The following CACNG6 variants were observed in gnomAD, a reference collection of about 807,000 sequenced individuals.
The protein encoded by CACNG6 is voltage-dependent calcium channel gamma-6 subunit.
A neutral mutation model predicts 23.9 loss-of-function variants in CACNG6; 21 were observed. That is an observed-to-expected ratio of 0.88 (90% CI 0.62 to 1.26). The LOEUF (loss-of-function observed/expected upper bound fraction) is 1.26, where lower values mean the gene tolerates loss of function less well. Ranked by LOEUF, CACNG6 falls within the 50% of genes most tolerant of loss-of-function variation. CACNG6 has a pLI of 0.00. For missense variants in CACNG6, 340 were observed against 352.9 expected (o/e 0.96, Z 0.29); for synonymous variants, 182 against 168.9 (o/e 1.08, Z -0.60).
At chr19:53,999,056 T>G (rs1411300043) in intron 2 of CACNG6, among the ~76,000 whole-genome samples, 1 of 150,128 alleles carries the variant, frequency 6.7e-6, no homozygotes, top group Non-Finnish European at 1.5e-5. Context: ...CCAGGAAAAT[T>G]TTTCACCATG....
intron 1 of CACNG6, among the ~76,000 whole-genome samples, chr19:53,997,965 G>A (rs552679781): frequency 7.1e-4 from 108 of 152,258 alleles, no homozygotes; most frequent in African/African-American, 2.2e-3. Flanking sequence ...TTATTATCTC[G>A]TTTTAAAGAG....
intron 3 of CACNG6, among the ~76,000 whole-genome samples, chr19:54,001,192 CTTT>C (rs36064940): frequency 2.8e-5 from 4 of 142,588 alleles, no homozygotes; most frequent in Non-Finnish European, 6.1e-5. Context: ...TCTTTTCTTT[CTTT>C]TTTTTTTTTT....
rs748738993 is a variant in CACNG6, at chr19:54,011,219, T to TACACAC, written c.545-731_545-730insCACACA. ...AAAAAAAAAAAAATATATATATATA[T>TACACAC]ATATATATACACACACACACACACA... On this transcript the variant is annotated intron_variant, in intron 3 of 3. Coordinates refer to ENST00000252729, the MANE Select transcript of CACNG6 (RefSeq NM_145814.2). Among the ~76,000 whole-genome samples, 319 of 67,698 alleles carry TACACAC rather than the reference T, an allele frequency of 4.7e-3. 2 individuals are homozygous for TACACAC. The highest frequency in any genetic ancestry group is 0.037 in the East Asian group (78 of 2,106). 44.4% of individuals were successfully genotyped at this position (67,698 alleles called of 152,430 possible). A position where few individuals can be genotyped will look rare whatever the true frequency, so the allele number is the denominator to read the frequency against.
intron 3 of CACNG6, among the ~76,000 whole-genome samples, chr19:54,006,716 G>T (rs2069651098): frequency 1.3e-5 from 2 of 151,496 alleles, no homozygotes; most frequent in Admixed American, 1.3e-4. Context: ...GTATTTTTTA[G>T]TAGAGAGGGG....
intron 3 of CACNG6, among the ~76,000 whole-genome samples, chr19:54,004,333 T>TGTGTGTG: frequency 9.6e-6 from 1 of 104,408 alleles, no homozygotes; most frequent in African/African-American, 5.4e-5. Context: ...AATTTTGTAT[T>TGTGTGTG]TTTGTGTGTG....
At chr19:54,000,180 T>A (rs895114113) in intron 3 of CACNG6, among the ~76,000 whole-genome samples, 3 of 152,166 alleles carry the variant, frequency 2.0e-5, no homozygotes, top group African/African-American at 7.2e-5. Context: ...TCTCAAAAAT[T>A]GGAGAGTTCT....
At chr19:54,003,453 C>T (rs758851563) in intron 3 of CACNG6, among the ~76,000 whole-genome samples, 30 of 152,072 alleles carry the variant, frequency 2.0e-4, no homozygotes, top group Admixed American at 2.0e-4. Flanking sequence ...CTCTGCCTCC[C>T]GGGTTCCAGC....
At chr19:54,007,711 A>G (rs3852897) in intron 3 of CACNG6, among the ~76,000 whole-genome samples, 2 of 151,882 alleles carry the variant, frequency 1.3e-5, no homozygotes, top group Non-Finnish European at 2.9e-5. Flanking sequence ...AGCCCGGGGC[A>G]ATGTAGAAAG....
At position 53,991,754 on chromosome 19, in the gene CACNG6, G is replaced by T. The variant is rs531888480; in HGVS notation, c.-1124G>T. Among the ~76,000 whole-genome samples, 1 of 152,060 alleles carries T rather than the reference G, an allele frequency of 6.6e-6. No individual in the cohort carries two copies. Among genetic ancestry groups the T allele is most frequent in the Admixed American group, 6.5e-5 (1 of 15,276 alleles). ...CCCTGCTCGGGAGTCGGGGGTGGGA[G>T]CCCCGAGGGGGGGCCCTGGCCTGGG... On this transcript the variant is annotated 5_prime_UTR_variant, in exon 1 of 4. Coordinates refer to ENST00000252729, the MANE Select transcript of CACNG6 (RefSeq NM_145814.2).
At chr19:54,004,533 T>C (rs1264640569) in intron 3 of CACNG6, among the ~76,000 whole-genome samples, 1 of 152,136 alleles carries the variant, frequency 6.6e-6, no homozygotes, top group East Asian at 1.9e-4. Context: ...GTGATACTTT[T>C]ATATCATAAG....
intron 3 of CACNG6, among the ~76,000 whole-genome samples, chr19:54,001,407 T>G (rs1367531311): frequency 6.6e-6 from 1 of 152,098 alleles, no homozygotes; most frequent in Non-Finnish European, 1.5e-5. Context: ...CAGGCTGGTC[T>G]CCAACTCCTG....
intron 3 of CACNG6, among the ~76,000 whole-genome samples, chr19:54,004,860 G>A (rs2069622484): frequency 6.6e-6 from 1 of 152,004 alleles, no homozygotes; most frequent in Non-Finnish European, 1.5e-5. Flanking sequence ...ACTGACCATC[G>A]TGTCTAAAGG....
chr19:53,998,146 T>A, intron 1 of CACNG6, 93 bp from the exon 2 acceptor site: 1 of 1,122,744 alleles, frequency 8.9e-7, no homozygotes, highest in Non-Finnish European at 1.3e-6. Flanking sequence ...ATGTCCAAGT[T>A]TTAGGCTCCC....
chr19:54,007,083 C>G (rs1289773039), intron 3 of CACNG6, among the ~76,000 whole-genome samples: 1 of 152,126 alleles, frequency 6.6e-6, no homozygotes, highest in African/African-American at 2.4e-5. Flanking sequence ...GGGTCTCACT[C>G]TGTTGCCCAG....
chr19:54,002,817 G>T (rs1259106421), intron 3 of CACNG6, among the ~76,000 whole-genome samples: 1 of 152,164 alleles, frequency 6.6e-6, no homozygotes, highest in East Asian at 1.9e-4. Flanking sequence ...GCGTGTCAGG[G>T]ACTGGGGCAG....
At chr19:54,009,849 C>T (rs1466383104) in intron 3 of CACNG6, among the ~76,000 whole-genome samples, 2 of 149,070 alleles carry the variant, frequency 1.3e-5, no homozygotes, top group African/African-American at 4.9e-5. Context: ...TCACTTGAAA[C>T]CAGAAGGCAG....
At chr19:53,993,264 G>A in intron 1 of CACNG6, 56 bp downstream of exon 1, 1 of 1,480,960 alleles carries the variant, frequency 6.8e-7, no homozygotes. Context: ...GGGAGGGAGA[G>A]GGGCCCGTGT....
At position 53,997,364 on chromosome 19, in the gene CACNG6, T is replaced by C. The variant is rs191598431; in HGVS notation, c.332-875T>C. 8.5e-5 allele frequency among the ~76,000 whole-genome samples: 13 copies of C among 152,232 alleles called. No individual in the cohort carries two copies. In the East Asian group the frequency reaches 2.5e-3, roughly 29 times the overall value. On this transcript the variant is annotated intron_variant, in intron 1 of 3. Coordinates refer to ENST00000252729, the MANE Select transcript of CACNG6 (RefSeq NM_145814.2). ...CCCATTAGATGGACACCTGACTTGA[T>C]TCTGACTCCATGTTACTTATAAACA...
intron 1 of CACNG6, among the ~76,000 whole-genome samples, chr19:53,994,826 G>A (rs2069504585): frequency 6.6e-6 from 1 of 152,170 alleles, no homozygotes. Flanking sequence ...GTGTCCAGAT[G>A]GGCTACCCTT....
Sources: gnomAD v4.1 joint callset for allele counts (sites outside exome capture counted in the v4.1 genomes callset) on GRCh38, gnomAD v4.1.1 for gene constraint, MANE v1.5 for transcripts, NCBI Gene and HGNC (gene_info 2026-07-23, HGNC 2026-07-21) for gene names.